The following UTS2B variants were observed in gnomAD, a reference collection of about 807,000 sequenced individuals.
UTS2B encodes urotensin-2B.
A neutral mutation model predicts 19.2 loss-of-function variants in UTS2B; 21 were observed. The observed-to-expected ratio is 1.09, with a 90% CI of 0.78 to 1.58. The LOEUF is 1.58. Ranked by LOEUF, UTS2B falls within the 40% of genes most tolerant of loss-of-function variation. The probability of loss-of-function intolerance (pLI) is 0.00; values close to 1 mark genes in which losing one functional copy is unlikely to be tolerated. For missense variants in UTS2B, 138 were observed against 130.3 expected (o/e 1.06, Z -0.29); for synonymous variants, 57 against 50.2 (o/e 1.14, Z -0.58).
At chr3:191,323,185 C>T (rs1203597375) in intron 2 of UTS2B, among the ~76,000 whole-genome samples, 3 of 140,492 alleles carry the variant, frequency 2.1e-5, no homozygotes, top group South Asian at 2.2e-4. Flanking sequence ...CTCTCGCTGT[C>T]GCCCAGGCTA....
At chr3:191,318,374 T>A (rs1477774240) in intron 2 of UTS2B, among the ~76,000 whole-genome samples, 1 of 152,242 alleles carries the variant, frequency 6.6e-6, no homozygotes, top group Non-Finnish European at 1.5e-5. Flanking sequence ...AGAAAAGGAA[T>A]TTCCTAAACT....
At chr3:191,331,344 C>T (rs546354667), upstream of UTS2B, among the ~76,000 whole-genome samples, 5 of 152,314 alleles carry the variant, frequency 3.3e-5, no homozygotes, top group Non-Finnish European at 5.9e-5. Flanking sequence ...ACCCTTAGGT[C>T]TTCTGATTTC....
chr3:191,308,444 A>G (rs1359485148), intron 3 of UTS2B, among the ~76,000 whole-genome samples: 1 of 152,220 alleles, frequency 6.6e-6, no homozygotes, highest in Non-Finnish European at 1.5e-5. Flanking sequence ...AGGGGTTCAC[A>G]TGCACTATAT....
intron 2 of UTS2B, among the ~76,000 whole-genome samples, chr3:191,317,505 C>T (rs539493220): frequency 4.3e-4 from 66 of 152,346 alleles, no homozygotes; most frequent in Non-Finnish European, 6.9e-4. Flanking sequence ...ATGCCAAGGC[C>T]GAGGAGGCGC....
intron 4 of UTS2B, among the ~76,000 whole-genome samples, chr3:191,290,566 A>G (rs1198418167): frequency 6.6e-6 from 1 of 152,242 alleles, no homozygotes; most frequent in Non-Finnish European, 1.5e-5. Flanking sequence ...TCTCTTGCCC[A>G]CATATCACAA....
intron 3 of UTS2B, among the ~76,000 whole-genome samples, chr3:191,307,300 T>G (rs549373419): frequency 6.6e-6 from 1 of 152,100 alleles, no homozygotes; most frequent in Non-Finnish European, 1.5e-5. Context: ...TCTATACATC[T>G]CCTCACCAAC....
intron 3 of UTS2B, among the ~76,000 whole-genome samples, chr3:191,308,834 C>T (rs947834173): frequency 6.6e-6 from 1 of 151,790 alleles, no homozygotes; most frequent in East Asian, 1.9e-4. Flanking sequence ...AGGATACTTG[C>T]TACCTCTTAG....
At chr3:191,275,936 C>G (rs576583078) in intron 7 of UTS2B, among the ~76,000 whole-genome samples, 81 of 152,152 alleles carry the variant, frequency 5.3e-4, no homozygotes, top group Non-Finnish European at 9.0e-4. Flanking sequence ...AGGAAGTCAC[C>G]TCTGGGTGTT....
Position 191,267,822 on chromosome 3 carries a change from T to C in UTS2B, c.*594A>G, listed in dbSNP as rs1195664311. Reference sequence around the variant, plus strand: ...AATTTACAATATACTGTGTGTGTAATTTCTAACAGAGCCTTAAAACAGAAA... The same window carrying C: ...AATTTACAATATACTGTGTGTGTAACTTCTAACAGAGCCTTAAAACAGAAA... On this transcript the variant is annotated 3_prime_UTR_variant, in exon 9 of 9. Coordinates refer to ENST00000340524, the MANE Select transcript of UTS2B (RefSeq NM_198152.5). The C allele has an allele frequency of 6.6e-6, 1 of 152,048 alleles. No individual in the cohort carries two copies. Among genetic ancestry groups the C allele is most frequent in the Non-Finnish European group, 1.5e-5 (1 of 67,948 alleles). 9.4% of individuals were successfully genotyped at this position (152,048 alleles called of 1,614,324 possible).
At chr3:191,296,205 G>T (rs1487650737) in intron 4 of UTS2B, among the ~76,000 whole-genome samples, 1 of 152,002 alleles carries the variant, frequency 6.6e-6, no homozygotes, top group Non-Finnish European at 1.5e-5. Context: ...GCAACTTTCT[G>T]CCACAAGGAC....
chr3:191,275,535 CT>C (rs1378981869), intron 7 of UTS2B, among the ~76,000 whole-genome samples, 190 bp from the exon 8 acceptor site: 1 of 152,046 alleles, frequency 6.6e-6, no homozygotes, highest in Non-Finnish European at 1.5e-5. Context: ...AAAAAATTAG[CT>C]GGGCGTGGTA....
intron 6 of UTS2B, among the ~76,000 whole-genome samples, chr3:191,277,184 G>A (rs1051163743): frequency 7.9e-5 from 12 of 152,038 alleles, no homozygotes; most frequent in Admixed American, 3.3e-4. Flanking sequence ...GGTTGTGGGC[G>A]GGGGGAAGCA....
chr3:191,285,285 T>G (rs577856056), intron 4 of UTS2B, among the ~76,000 whole-genome samples: 1 of 152,314 alleles, frequency 6.6e-6, no homozygotes, highest in East Asian at 1.9e-4. Context: ...TATGTTATAA[T>G]AAGATACTTT....
chr3:191,314,599 C>G (rs1043356579), intron 3 of UTS2B, among the ~76,000 whole-genome samples: 37 of 152,240 alleles, frequency 2.4e-4, no homozygotes, highest in African/African-American at 8.7e-4. Context: ...ACAAGCAGCC[C>G]CTATGTAGCT....
At chr3:191,277,898 A>G (rs1179097715) in intron 6 of UTS2B, among the ~76,000 whole-genome samples, 174 bp downstream of exon 6, 1 of 151,886 alleles carries the variant, frequency 6.6e-6, no homozygotes, top group African/African-American at 2.4e-5. Context: ...TTTGTTAATA[A>G]CTCCATGGAT....
intron 8 of UTS2B, among the ~76,000 whole-genome samples, chr3:191,273,870 T>G (rs1177086608): frequency 6.6e-6 from 1 of 152,214 alleles, no homozygotes; most frequent in Non-Finnish European, 1.5e-5. Context: ...CAGCACATTT[T>G]GTTGACTTTT....
At chr3:191,285,831 G>A (rs200991995) in intron 4 of UTS2B, among the ~76,000 whole-genome samples, 23 of 152,110 alleles carry the variant, frequency 1.5e-4, no homozygotes, top group East Asian at 1.2e-3. Context: ...CCCAGGAGGC[G>A]GAGGTTGCAG....
intron 4 of UTS2B, among the ~76,000 whole-genome samples, chr3:191,298,036 TTGAACACTC>T (rs1716901089): frequency 6.6e-6 from 1 of 152,230 alleles, no homozygotes; most frequent in Admixed American, 6.5e-5. Flanking sequence ...TCCTTTCCCT[TTGAACACTC>T]TGTGGCAATA....
intron 4 of UTS2B, among the ~76,000 whole-genome samples, chr3:191,289,600 A>G (rs1195561): frequency 0.42 from 63,281 of 151,864 alleles, 13,574 homozygotes; most frequent in East Asian, 0.65. Context: ...GTCTTCAGTC[A>G]TTTAAAAGAA....
Sources: gnomAD v4.1 joint callset for allele counts (sites outside exome capture counted in the v4.1 genomes callset) on GRCh38, gnomAD v4.1.1 for gene constraint, MANE v1.5 for transcripts, NCBI Gene and HGNC (gene_info 2026-07-23, HGNC 2026-07-21) for gene names.